TAF2: variants seen among roughly 807,000 people sequenced by gnomAD.
TAF2 encodes the protein transcription initiation factor TFIID subunit 2.
In TAF2, 61 loss-of-function variants were observed where a neutral mutation model predicts 138.5. The ratio of observed to expected loss-of-function variants is 0.44; its 90% CI spans 0.36 to 0.54. TAF2 has a LOEUF of 0.54. Among genes scored for constraint, TAF2 ranks in the 20% least tolerant of loss-of-function variants. The pLI, the probability that TAF2 is intolerant of heterozygous loss-of-function variation, is 0.00. For synonymous variants in TAF2, 475 were observed against 469.9 expected (o/e 1.01, Z -0.14); for missense variants, 1,090 against 1,427.9 (o/e 0.76, Z 3.81).
intron 24 of TAF2, among the ~76,000 whole-genome samples, chr8:119,743,337 G>A (rs1396049117): frequency 6.6e-6 from 1 of 150,664 alleles, no homozygotes; most frequent in Non-Finnish European, 1.5e-5. Flanking sequence ...TACCTATGTG[G>A]AACACTATAA....
At chr8:119,804,251 T>G (rs187939006) in intron 4 of TAF2, among the ~76,000 whole-genome samples, 5 of 152,318 alleles carry the variant, frequency 3.3e-5, no homozygotes, top group Admixed American at 6.5e-5. Context: ...CTTGTATTAT[T>G]TTCCCAAAAT....
intron 16 of TAF2, 26 bp downstream of exon 16, chr8:119,783,355 T>C: frequency 6.2e-7 from 1 of 1,609,660 alleles, no homozygotes; most frequent in Non-Finnish European, 8.5e-7. Flanking sequence ...CAATAGTCAT[T>C]TCCTTTATGC....
At position 119,778,842 on chromosome 8, in the gene TAF2, T is replaced by A. The variant is rs181172125; in HGVS notation, c.2254-713A>T. Among the ~76,000 whole-genome samples the A allele has an allele frequency of 2.6e-5, 4 of 152,306 alleles. No homozygotes were observed. The East Asian group carries it at 7.7e-4, about 29-fold the overall frequency. ...GTTAACTCTATCAGTAAAACAAAGC[T>A]AATTAAATGCTAGGCAGGACTACAG... On this transcript the variant is annotated intron_variant, in intron 17 of 25. Coordinates refer to ENST00000378164, the MANE Select transcript of TAF2 (RefSeq NM_003184.4).
chr8:119,742,151 A>C (rs2130992935), intron 25 of TAF2, among the ~76,000 whole-genome samples: 1 of 152,294 alleles, frequency 6.6e-6, no homozygotes, highest in South Asian at 2.1e-4. Flanking sequence ...TAAAGGTACA[A>C]ATTAGATGGT....
intron 25 of TAF2, among the ~76,000 whole-genome samples, chr8:119,739,991 C>CA (rs1320312697): frequency 1.3e-5 from 2 of 151,736 alleles, no homozygotes; most frequent in Non-Finnish European, 2.9e-5. Context: ...GGATATAGGC[C>CA]AAAAAACCTC....
At chr8:119,788,481 G>C in intron 13 of TAF2, 34 bp from the exon 14 acceptor site, 1 of 1,531,228 alleles carries the variant, frequency 6.5e-7, no homozygotes. Flanking sequence ...TCAGAGATGT[G>C]ATTTAAAAAA....
chr8:119,762,341 T>C, intron 19 of TAF2, 74 bp downstream of exon 19: 1 of 1,453,544 alleles, frequency 6.9e-7, no homozygotes, highest in African/African-American at 1.4e-5. Context: ...TATTTCCCAA[T>C]TTTCTATAAC....
Position 119,731,457 on chromosome 8 carries a change from T to C in TAF2, c.*467A>G, listed in dbSNP as rs1248759816. 1 of 168,322 alleles carries C rather than the reference T, an allele frequency of 5.9e-6. No homozygotes were observed. The highest frequency in any genetic ancestry group is 1.3e-5 in the Non-Finnish European group (1 of 76,610). The allele number at this position is 168,322 out of a possible 1,614,324, so 10.4% of individuals were successfully genotyped here. On this transcript the variant is annotated 3_prime_UTR_variant, in exon 26 of 26. Transcript: ENST00000378164. ...AGGAAGAGTACTGTAGAAAAGCCAC[T>C]GTCTTTTCAGTAGTTCCAAATGGTG...
intron 18 of TAF2, among the ~76,000 whole-genome samples, chr8:119,764,024 C>T (rs772363798): frequency 2.3e-4 from 33 of 144,656 alleles, no homozygotes; most frequent in Admixed American, 1.6e-3. Context: ...TGGCACACGC[C>T]TATAATCCCA....
intron 18 of TAF2, among the ~76,000 whole-genome samples, chr8:119,770,431 G>A (rs893582983): frequency 1.3e-5 from 2 of 152,028 alleles, no homozygotes; most frequent in African/African-American, 4.8e-5. Context: ...AAGAGATTGG[G>A]GGTCTATTTT....
chr8:119,746,373 CAAAAAAAAAA>C (rs11392436), intron 23 of TAF2, among the ~76,000 whole-genome samples: 3 of 54,318 alleles, frequency 5.5e-5, no homozygotes, highest in South Asian at 1.5e-3. Flanking sequence ...AACTCTGTCT[CAAAAAAAAAA>C]AAAAAAAAAA....
At chr8:119,762,014 C>T (rs1429817838) in intron 19 of TAF2, among the ~76,000 whole-genome samples, 1 of 151,882 alleles carries the variant, frequency 6.6e-6, no homozygotes, top group Non-Finnish European at 1.5e-5. Context: ...GGCAGAACTG[C>T]ATGATAGCCA....
At chr8:119,791,994 T>C (rs1823463618) in intron 10 of TAF2, 1 of 152,804 alleles carries the variant, frequency 6.5e-6, no homozygotes, top group Non-Finnish European at 1.5e-5. Context: ...TAAGTAAATT[T>C]AGAGAAAGAT....
intron 23 of TAF2, chr8:119,745,061 T>A: frequency 2.2e-6 from 1 of 456,050 alleles, no homozygotes; most frequent in Non-Finnish European, 4.4e-6. Context: ...AAGATCAAAA[T>A]TAGATTTCTG....
intron 20 of TAF2, among the ~76,000 whole-genome samples, chr8:119,760,033 C>CA (rs1286822533): frequency 6.6e-6 from 1 of 152,006 alleles, no homozygotes. Flanking sequence ...ATTTACGCCC[C>CA]CCCAGAGTAT....
intron 2 of TAF2, among the ~76,000 whole-genome samples, chr8:119,830,304 C>T (rs957603409): frequency 6.6e-6 from 1 of 152,126 alleles, no homozygotes; most frequent in Non-Finnish European, 1.5e-5. Flanking sequence ...TGAGTTAATA[C>T]ACATAAACCT....
Position 119,832,812 on chromosome 8 carries a change from C to G in TAF2, c.-248G>C. On this transcript the variant is annotated 5_prime_UTR_variant, in exon 1 of 26. Transcript: ENST00000378164. Reference sequence around the variant, plus strand: ...TCCTCTCCGCAAGGGCTCGAAGCTACCATCCGCCGACATCTTGTCTGTAAC... The same window carrying G: ...TCCTCTCCGCAAGGGCTCGAAGCTAGCATCCGCCGACATCTTGTCTGTAAC... The G allele has an allele frequency of 2.2e-6, 1 of 460,392 alleles. No individual in the cohort carries two copies. Among genetic ancestry groups the G allele is most frequent in the South Asian group, 4.2e-5 (1 of 24,082 alleles). 28.5% of individuals were successfully genotyped at this position (460,392 alleles called of 1,614,324 possible).
At chr8:119,808,600 T>C (rs1270719218) in intron 3 of TAF2, among the ~76,000 whole-genome samples, 1 of 152,234 alleles carries the variant, frequency 6.6e-6, no homozygotes, top group African/African-American at 2.4e-5. Flanking sequence ...GGAATCACTA[T>C]CTATGGCAAC....
chr8:119,817,413 G>C lies in TAF2; in HGVS notation c.299+1933C>G, dbSNP rs555739760. 7.2e-5 allele frequency among the ~76,000 whole-genome samples: 11 copies of C among 152,210 alleles called. 1 individual carries two copies. The East Asian group carries it at 2.1e-3, about 29-fold the overall frequency. The stretch of plus-strand genomic sequence containing the variant: ...GAGATCTAGGTCGCACACTACTTAT[G>C]AGAATCTAATGCCTGATGATCTGAG... On this transcript the variant is annotated intron_variant, in intron 3 of 25. Transcript: ENST00000378164.
Sources: allele counts gnomAD v4.1 joint callset (sites outside exome capture counted in the v4.1 genomes callset), GRCh38; gene constraint gnomAD v4.1.1; transcripts MANE v1.5; gene names NCBI Gene and HGNC (gene_info 2026-07-23, HGNC 2026-07-21).